The following RBM28 variants were observed in gnomAD, a reference collection of about 807,000 sequenced individuals.
RBM28 encodes RNA binding motif protein 28.
A neutral mutation model predicts 98.3 loss-of-function variants in RBM28; 78 were observed. The ratio of observed to expected loss-of-function variants is 0.79; its 90% CI spans 0.66 to 0.96. The LOEUF is 0.96. Among genes scored for constraint, RBM28 ranks in the 40% least tolerant of loss-of-function variants. The pLI is 0.00. For synonymous variants in RBM28, 306 were observed against 330.9 expected (o/e 0.92, Z 0.82); for missense variants, 838 against 913.0 (o/e 0.92, Z 1.06).
intron 12 of RBM28, 84 bp from the exon 13 acceptor site, chr7:128,323,675 A>G: frequency 6.7e-7 from 1 of 1,496,882 alleles, no homozygotes; most frequent in South Asian, 1.1e-5. Context: ...AATGATGCAA[A>G]CTCTTTGTAC....
intron 1 of RBM28, among the ~76,000 whole-genome samples, chr7:128,343,023 C>T (rs1486159324): frequency 6.6e-6 from 1 of 152,166 alleles, no homozygotes; most frequent in Non-Finnish European, 1.5e-5. Context: ...ATCATTTTCA[C>T]GGTTGGCTTG....
intron 10 of RBM28, among the ~76,000 whole-genome samples, chr7:128,329,147 T>C (rs1796416989): frequency 6.6e-6 from 1 of 152,164 alleles, no homozygotes; most frequent in Non-Finnish European, 1.5e-5. Flanking sequence ...TTGCCCAGGC[T>C]AGAGTGCAGT....
At chr7:128,339,986 T>C (rs1368854259) in intron 1 of RBM28, among the ~76,000 whole-genome samples, 195 bp from the exon 2 acceptor site, 1 of 152,182 alleles carries the variant, frequency 6.6e-6, no homozygotes, top group Non-Finnish European at 1.5e-5. Flanking sequence ...CTCCCCACTT[T>C]GCTTAGAAAC....
At position 128,313,181 on chromosome 7, in the gene RBM28, G is replaced by A. The variant is rs202000898; in HGVS notation, c.2139C>T (p.Ser713=). ...QWKQEKQQLS[S]EQVSRKKAKG... ...TATGTCCTGCAGAACTCACCTGCTC[G>A]GACGATAATTGCTGCTTCTCCTGCT... Residue 713 remains serine (S), a synonymous_variant, in exon 18 of 19, where the codon TCC becomes TCT. Transcript: ENST00000223073. 155 of 1,613,488 alleles carry A rather than the reference G, an allele frequency of 9.6e-5. 1 individual carries two copies. The highest frequency in any genetic ancestry group is 1.6e-4 in the Middle Eastern group (1 of 6,084).
intron 8 of RBM28, among the ~76,000 whole-genome samples, chr7:128,334,194 G>A (rs1035515660): frequency 4.6e-5 from 7 of 152,156 alleles, no homozygotes; most frequent in Non-Finnish European, 1.0e-4. Context: ...AGACATATAA[G>A]CTTATACATA....
intron 16 of RBM28, among the ~76,000 whole-genome samples, chr7:128,315,960 G>A (rs1584636939): frequency 6.6e-6 from 1 of 152,214 alleles, no homozygotes; most frequent in Non-Finnish European, 1.5e-5. Flanking sequence ...AGATGCTGTG[G>A]GAAGGAAGGC....
chr7:128,329,263 C>T (rs1178713327), intron 10 of RBM28, among the ~76,000 whole-genome samples: 4 of 152,124 alleles, frequency 2.6e-5, no homozygotes, highest in Non-Finnish European at 5.9e-5. Flanking sequence ...CCACGCCCGG[C>T]TAATTTTGTA....
rs892749391 is a variant in RBM28, at chr7:128,299,185, G to A, written c.*11612C>T. ...AACTTGGGTCAGCCAAGAAGCAGAG[G>A]GGGTGAGGGAAAAGCACGATCCAGC... is the stretch of plus-strand genomic sequence containing the variant. On this transcript the variant is annotated 3_prime_UTR_variant, in exon 19 of 19. Transcript: ENST00000223073. 2 of 152,246 alleles carry A rather than the reference G, an allele frequency of 1.3e-5. No homozygotes were observed. Among genetic ancestry groups the A allele is most frequent in the African/African-American group, 4.8e-5 (2 of 41,428 alleles). The allele number at this position is 152,246 out of a possible 1,614,324, so 9.4% of individuals were successfully genotyped here.
intron 10 of RBM28, among the ~76,000 whole-genome samples, chr7:128,327,894 CTTTAAAT>C (rs1166082852): frequency 1.3e-5 from 2 of 152,132 alleles, no homozygotes; most frequent in Non-Finnish European, 1.5e-5. Context: ...TTTAGTATTC[CTTTAAAT>C]TTTAAATATT....
At chr7:128,335,437 C>T (rs997830922) in intron 8 of RBM28, 106 bp downstream of exon 8, 1 of 1,365,004 alleles carries the variant, frequency 7.3e-7, no homozygotes, top group African/African-American at 1.4e-5. Flanking sequence ...TGATAGAACA[C>T]CTTAGAGTCC....
intron 14 of RBM28, among the ~76,000 whole-genome samples, chr7:128,318,555 C>A (rs1317085922): frequency 6.6e-6 from 1 of 151,736 alleles, no homozygotes; most frequent in Non-Finnish European, 1.5e-5. Context: ...TGGAATAACA[C>A]TTATGTGTGT....
At chr7:128,339,912 A>G in intron 1 of RBM28, 121 bp from the exon 2 acceptor site, 1 of 1,175,608 alleles carries the variant, frequency 8.5e-7, no homozygotes, top group South Asian at 1.4e-5. Context: ...CTGCCAACCC[A>G]TCTTGCTATC....
intron 6 of RBM28, 40 bp downstream of exon 6, chr7:128,337,091 T>G (rs376047454): frequency 9.3e-5 from 148 of 1,596,430 alleles, no homozygotes; most frequent in Middle Eastern, 6.6e-4. Context: ...TCACCCAGGT[T>G]ATACAACGCC....
In RBM28 at chr7:128,308,364, G is replaced by C. The variant is rs1451128488; in HGVS notation, c.*2433C>G. On this transcript the variant is annotated 3_prime_UTR_variant, in exon 19 of 19. Coordinates refer to ENST00000223073, the MANE Select transcript of RBM28 (RefSeq NM_018077.3). The stretch of plus-strand genomic sequence containing the variant: ...ATTTTTGAATGTTAAAGATATTCGT[G>C]TACTAGGGAAAAAAGAGTGGTGAGC... 1 of 151,438 alleles carries C rather than the reference G, an allele frequency of 6.6e-6. No individual in the cohort carries two copies. Among genetic ancestry groups the C allele is most frequent in the African/African-American group, 2.4e-5 (1 of 41,384 alleles). 9.4% of individuals were successfully genotyped at this position (151,438 alleles called of 1,614,324 possible).
In RBM28 at chr7:128,299,356, G is replaced by A. The variant is rs1423010669; in HGVS notation, c.*11441C>T. On this transcript the variant is annotated 3_prime_UTR_variant, in exon 19 of 19. Transcript: ENST00000223073. ...CTGGCCCTGGAGTGATTTAGGGCAG[G>A]GGGAATATTGGCTTGCTGTGTCAGA... 6.6e-6 allele frequency: 1 copy of A among 152,216 alleles called. No individual in the cohort carries two copies. The highest frequency in any genetic ancestry group is 2.4e-5 in the African/African-American group (1 of 41,434). The allele number at this position is 152,216 out of a possible 1,614,324, so 9.4% of individuals were successfully genotyped here. A position where few individuals can be genotyped will look rare whatever the true frequency, so the allele number is the denominator to read the frequency against.
Position 128,314,949 on chromosome 7 carries a change from T to C in RBM28, c.1860A>G (p.Gln620=). The change falls in exon 17 of 19, where the codon CAA becomes CAG. Residue 620 remains glutamine, a synonymous_variant. Transcript: ENST00000223073. Reference sequence around the variant, plus strand: ...CTGTGTGGTGTTGAGCTGCCTTCTGTTGCTGGTCTTTTGCAGGCTCTGGTT... The same window carrying C: ...CTGTGTGGTGTTGAGCTGCCTTCTGCTGCTGGTCTTTTGCAGGCTCTGGTT... ...KGQPEPAKDQ[Q]QKAAQHHTEE... is the part of the protein sequence containing the mutation. The C allele has an allele frequency of 6.2e-7, 1 of 1,614,236 alleles. No individual in the cohort carries two copies. The highest frequency in any genetic ancestry group is 1.7e-5 in the Admixed American group (1 of 60,032).
At position 128,298,980 on chromosome 7, in the gene RBM28, TCCAGCCTGGGAGACAGAGTG is replaced by T. The variant is rs1197581910; in HGVS notation, c.*11797_*11816del. 1 of 142,474 alleles carries T rather than the reference TCCAGCCTGGGAGACAGAGTG, an allele frequency of 7.0e-6. No homozygotes were observed. The highest frequency in any genetic ancestry group is 2.6e-5 in the African/African-American group (1 of 38,446). 8.8% of individuals were successfully genotyped at this position (142,474 alleles called of 1,614,324 possible). On this transcript the variant is annotated 3_prime_UTR_variant, in exon 19 of 19. Transcript: ENST00000223073. The stretch of plus-strand genomic sequence containing the variant: ...GTGACCTGTGATTACACCACTGCAC[TCCAGCCTGGGAGACAGAGTG>T]AGACCCTCTCTCTCAAAAAAAAAAA...
Position 128,302,455 on chromosome 7 carries a change from A to C in RBM28, c.*8342T>G, listed in dbSNP as rs1795794880. 1 of 152,256 alleles carries C rather than the reference A, an allele frequency of 6.6e-6. No individual in the cohort carries two copies. The highest frequency in any genetic ancestry group is 2.4e-5 in the African/African-American group (1 of 41,460). 9.4% of individuals were successfully genotyped at this position (152,256 alleles called of 1,614,324 possible). A position where few individuals can be genotyped will look rare whatever the true frequency, so the allele number is the denominator to read the frequency against. On this transcript the variant is annotated 3_prime_UTR_variant, in exon 19 of 19. Transcript: ENST00000223073. The stretch of plus-strand genomic sequence containing the variant: ...TCATGGCTATGGAAAATAAATAGCC[A>C]TTATCTGACCTCCAGGGGAATGAAG...
intron 17 of RBM28, among the ~76,000 whole-genome samples, chr7:128,314,208 C>A (rs942761607): frequency 1.3e-5 from 2 of 152,096 alleles, no homozygotes; most frequent in African/African-American, 4.8e-5. Context: ...GTGATCCACC[C>A]GCCTCGGCCT....
Sources: allele counts gnomAD v4.1 joint callset (sites outside exome capture counted in the v4.1 genomes callset), GRCh38; gene constraint gnomAD v4.1.1; transcripts MANE v1.5; gene names NCBI Gene and HGNC (gene_info 2026-07-23, HGNC 2026-07-21).